Variants in PBX4 observed in about 807,000 individuals in gnomAD.
The protein encoded by PBX4 is pre-B-cell leukemia transcription factor 4.
In PBX4, 26 loss-of-function variants were observed where a neutral mutation model predicts 35.1. That is an observed-to-expected ratio of 0.74 (90% confidence interval 0.54 to 1.03). The LOEUF (loss-of-function observed/expected upper bound fraction) is 1.03, where lower values mean the gene tolerates loss of function less well. PBX4 is among the 50% of genes least tolerant of loss of function. PBX4 has a pLI of 0.00. For missense variants in PBX4, 448 were observed against 504.3 expected (o/e 0.89, Z 1.07); for synonymous variants, 199 against 204.2 (o/e 0.97, Z 0.22).
intron 2 of PBX4, among the ~76,000 whole-genome samples, chr19:19,571,842 G>C (rs1381730792): frequency 2.0e-5 from 3 of 151,840 alleles, no homozygotes; most frequent in Non-Finnish European, 4.4e-5. Context: ...AGATCAGCCT[G>C]GCCAACATGG....
At chr19:19,608,923 A>C (rs1229996947) in intron 1 of PBX4, among the ~76,000 whole-genome samples, 1 of 152,070 alleles carries the variant, frequency 6.6e-6, no homozygotes, top group Non-Finnish European at 1.5e-5. Flanking sequence ...CCAAATAATG[A>C]ATCTCCTTTC....
At chr19:19,582,427 C>T (rs536259660) in intron 2 of PBX4, among the ~76,000 whole-genome samples, 49 of 152,172 alleles carry the variant, frequency 3.2e-4, no homozygotes, top group Non-Finnish European at 6.3e-4. Flanking sequence ...CAGAAGAACA[C>T]ACCAATAGAC....
intron 2 of PBX4, among the ~76,000 whole-genome samples, chr19:19,584,191 T>G (rs2061474297): frequency 6.6e-6 from 1 of 152,016 alleles, no homozygotes; most frequent in African/African-American, 2.4e-5. Context: ...TGAGCCAAGA[T>G]CGTGCCACTG....
intron 2 of PBX4, among the ~76,000 whole-genome samples, chr19:19,572,066 C>A (rs1250797479): frequency 8.8e-5 from 11 of 124,620 alleles, no homozygotes; most frequent in Admixed American, 1.8e-4. Context: ...CTCTTAGAAT[C>A]AGGCTTTTTT....
At chr19:19,571,065 G>A (rs936378040) in intron 2 of PBX4, among the ~76,000 whole-genome samples, 1 of 152,232 alleles carries the variant, frequency 6.6e-6, no homozygotes, top group Admixed American at 6.5e-5. Flanking sequence ...GGAGACACAG[G>A]TCGCAGTTTG....
At chr19:19,609,285 C>A (rs904757277) in intron 1 of PBX4, among the ~76,000 whole-genome samples, 6 of 152,154 alleles carry the variant, frequency 3.9e-5, no homozygotes, top group African/African-American at 1.4e-4. Context: ...CGCAGTAGCT[C>A]ACACCTGTAA....
chr19:19,594,611 A>G (rs1358601122), intron 2 of PBX4, among the ~76,000 whole-genome samples: 2 of 152,140 alleles, frequency 1.3e-5, no homozygotes, highest in African/African-American at 2.4e-5. Context: ...AATTATGAAG[A>G]GGCGTGCCCA....
chr19:19,618,678 C>T lies in PBX4; in HGVS notation c.-49G>A. ...TGTGAGGGTGCCGTCGAGCCTGGAGCACTACCACTGGCGCCGCAGCCAACC... is the reference window on the plus strand; with the variant it reads ...TGTGAGGGTGCCGTCGAGCCTGGAGTACTACCACTGGCGCCGCAGCCAACC... On this transcript the variant is annotated 5_prime_UTR_variant, in exon 1 of 8. Transcript: ENST00000251203. The T allele has an allele frequency of 8.5e-7, 1 of 1,181,922 alleles. No homozygotes were observed. Among genetic ancestry groups the T allele is most frequent in the South Asian group, 4.2e-5 (1 of 24,022 alleles). 73.2% of individuals were successfully genotyped at this position (1,181,922 alleles called of 1,614,324 possible). A position where few individuals can be genotyped will look rare whatever the true frequency, so the allele number is the denominator to read the frequency against.
intron 2 of PBX4, among the ~76,000 whole-genome samples, chr19:19,575,497 A>C (rs920102793): frequency 1.3e-5 from 2 of 152,084 alleles, no homozygotes; most frequent in Non-Finnish European, 1.5e-5. Flanking sequence ...CAAAACAGAC[A>C]ATGGCTGTCC....
At chr19:19,575,323 T>C (rs1156667618) in intron 2 of PBX4, among the ~76,000 whole-genome samples, 3 of 151,818 alleles carry the variant, frequency 2.0e-5, no homozygotes, top group Non-Finnish European at 4.4e-5. Flanking sequence ...CTTGGAATGA[T>C]GCTCATGGGG....
At position 19,561,872 on chromosome 19, in the gene PBX4, C is replaced by T; in HGVS notation, c.*153G>A. On this transcript the variant is annotated 3_prime_UTR_variant, in exon 8 of 8. Coordinates refer to ENST00000251203, the MANE Select transcript of PBX4 (RefSeq NM_025245.3). ...TCTCGAGTCGCAGCAGACACATGAG[C>T]CGGCGCCACGGGCCTGGCTGAGGAG... is the stretch of plus-strand genomic sequence containing the variant. The T allele has an allele frequency of 1.7e-6, 1 of 572,266 alleles. No homozygotes were observed. Among genetic ancestry groups the T allele is most frequent in the Non-Finnish European group, 3.0e-6 (1 of 331,144 alleles). 35.4% of individuals were successfully genotyped at this position (572,266 alleles called of 1,614,324 possible). A position where few individuals can be genotyped will look rare whatever the true frequency, so the allele number is the denominator to read the frequency against.
At chr19:19,618,065 G>A (rs2061697324) in intron 1 of PBX4, among the ~76,000 whole-genome samples, 2 of 152,166 alleles carry the variant, frequency 1.3e-5, no homozygotes, top group Non-Finnish European at 2.9e-5. Flanking sequence ...GGAGGCTGAG[G>A]CAGGAGAATC....
intron 2 of PBX4, among the ~76,000 whole-genome samples, chr19:19,582,783 T>G (rs1035899850): frequency 1.3e-5 from 2 of 152,200 alleles, no homozygotes; most frequent in African/African-American, 4.8e-5. Context: ...GCATGCCCAC[T>G]GGGGCTTTGG....
chr19:19,563,359 T>C lies in PBX4; in HGVS notation c.1032+150A>G. Reference sequence around the variant, plus strand: ...ATTACAGAGTGGGGCCCTGCAGAGCTGTGCCCCAGAGGTGGCCGCGCAGCA... The same window carrying C: ...ATTACAGAGTGGGGCCCTGCAGAGCCGTGCCCCAGAGGTGGCCGCGCAGCA... On this transcript the variant is annotated intron_variant, in intron 7 of 7. Coordinates refer to ENST00000251203, the MANE Select transcript of PBX4 (RefSeq NM_025245.3). The surrounding 1 kb of genome is among the most constrained non-coding windows in gnomAD (Gnocchi z 5.1). 1 of 600,494 alleles carries C rather than the reference T, an allele frequency of 1.7e-6. No homozygotes were observed. Among genetic ancestry groups the C allele is most frequent in the South Asian group, 2.2e-5 (1 of 45,518 alleles). 37.2% of individuals were successfully genotyped at this position (600,494 alleles called of 1,614,324 possible). A position where few individuals can be genotyped will look rare whatever the true frequency, so the allele number is the denominator to read the frequency against.
At chr19:19,564,405 G>A (rs1241215247) in intron 6 of PBX4, among the ~76,000 whole-genome samples, 1 of 151,840 alleles carries the variant, frequency 6.6e-6, no homozygotes, top group Non-Finnish European at 1.5e-5. Flanking sequence ...TTGGACATTT[G>A]GGTTGGTTCC....
intron 1 of PBX4, among the ~76,000 whole-genome samples, chr19:19,616,280 G>GA (rs766968325): frequency 2.0e-5 from 3 of 152,040 alleles, no homozygotes; most frequent in Non-Finnish European, 4.4e-5. Flanking sequence ...ATTGCAACTG[G>GA]AATAAATAGT....
intron 2 of PBX4, among the ~76,000 whole-genome samples, chr19:19,577,279 C>T (rs2061425855): frequency 6.6e-6 from 1 of 151,970 alleles, no homozygotes; most frequent in South Asian, 2.1e-4. Flanking sequence ...CATTGTACAG[C>T]ATTTCTGGAG....
rs570261973 is a variant in PBX4 at position 19,570,750 on chromosome 19, C to T, written c.277G>A (p.Val93Met). The change falls in exon 3 of 8, where the codon GTG becomes ATG. Residue 93 changes from valine to methionine, a missense_variant. Transcript: ENST00000251203. ...RLDNMLLAEGVCRPEKRGRGG... is the reference protein window; with the variant it reads ...RLDNMLLAEGMCRPEKRGRGG... ...CTTCCTCTCTTCTCGGGCCTGCACA[C>T]GCCCTCAGCCAGCAGCATGTTATCC... The T allele has an allele frequency of 3.3e-5, 53 of 1,614,096 alleles. No individual in the cohort carries two copies. In the African/African-American group the frequency reaches 4.7e-4, roughly 14 times the overall value.
rs1439777063 is a variant in PBX4 at position 19,562,236 on chromosome 19, A to G, written c.1033-119T>C. On this transcript the variant is annotated intron_variant, in intron 7 of 7. Transcript: ENST00000251203. This position sits in a 1 kb window ranked among gnomAD's most constrained non-coding sequence, Gnocchi z 4.8. ...GGGAAGGCTTGGAAAAGATCCACAG[A>G]TGACCTCCAGCTCAGTGGAGGAGGG... 8.6e-6 allele frequency: 6 copies of G among 694,624 alleles called. No individual in the cohort carries two copies. Among genetic ancestry groups the G allele is most frequent in the East Asian group, 2.9e-5 (1 of 34,012 alleles). The allele number at this position is 694,624 out of a possible 1,614,324, so 43.0% of individuals were successfully genotyped here. A position where few individuals can be genotyped will look rare whatever the true frequency, so the allele number is the denominator to read the frequency against.
Sources: allele counts gnomAD v4.1 joint callset (sites outside exome capture counted in the v4.1 genomes callset), GRCh38; gene constraint gnomAD v4.1.1; non-coding constraint Gnocchi (gnomAD v3.1); transcripts MANE v1.5; gene names NCBI Gene and HGNC (gene_info 2026-07-23, HGNC 2026-07-21).